Variants in TSGA10 observed in about 807,000 individuals in gnomAD.
The protein encoded by TSGA10 is testis-specific gene 10 protein.
TSGA10 carries 43 observed loss-of-function variants against 96.6 expected under a neutral mutation model. The ratio of observed to expected loss-of-function variants is 0.44; its 90% CI spans 0.35 to 0.57. The LOEUF (loss-of-function observed/expected upper bound fraction) is 0.57. Ranked by LOEUF, TSGA10 falls within the 20% of genes least tolerant of loss-of-function variation. The pLI, the probability that TSGA10 is intolerant of heterozygous loss-of-function variation, is 0.01. For synonymous variants in TSGA10, 229 were observed against 269.9 expected, an observed-to-expected ratio of 0.85 and a Z score of 1.48; for missense variants, 703 against 834.4, an observed-to-expected ratio of 0.84 and a Z score of 1.94.
chr2:99,038,036 G>T (rs2081813392), intron 16 of TSGA10, among the ~76,000 whole-genome samples: 1 of 150,480 alleles, frequency 6.6e-6, no homozygotes, highest in South Asian at 2.1e-4. Flanking sequence ...TATCAGCCAA[G>T]ATTTTGTCTC....
At chr2:99,091,800 TAGAC>T (rs2089385573) in intron 10 of TSGA10, among the ~76,000 whole-genome samples, 1 of 152,072 alleles carries the variant, frequency 6.6e-6, no homozygotes, top group Non-Finnish European at 1.5e-5. Context: ...ATAATTGACA[TAGAC>T]AGAAGCACAA....
intron 10 of TSGA10, among the ~76,000 whole-genome samples, chr2:99,083,552 C>T (rs1016746282): frequency 6.6e-6 from 1 of 152,044 alleles, no homozygotes; most frequent in East Asian, 1.9e-4. Context: ...TTTTTAACAG[C>T]CAAAACCTGG....
chr2:99,117,257 G>A (rs1375072726), intron 4 of TSGA10: 2 of 152,244 alleles, frequency 1.3e-5, no homozygotes, highest in African/African-American at 4.8e-5. Context: ...CTGCAGAGGA[G>A]AGAGGAATTG....
In TSGA10 at chr2:99,104,086, A is replaced by G. The variant is rs780617917; in HGVS notation, c.492T>C (p.Asn164=). The change falls in exon 10 of 21, where the codon AAT becomes AAC. Residue 164 remains asparagine, a synonymous_variant. Transcript: ENST00000393483. ...TTATGGTTTCCTTCATCAAAGTCAT[A>G]TTTGACATTTGCTCCATACGTTCAT... The part of the protein sequence containing the change: ...LDDERMEQMS[N]MTLMKETIST... 6 of 1,613,886 alleles carry G rather than the reference A, an allele frequency of 3.7e-6. No individual in the cohort carries two copies. The highest frequency in any genetic ancestry group is 1.7e-5 in the Admixed American group (1 of 60,010).
intron 16 of TSGA10, among the ~76,000 whole-genome samples, chr2:99,038,454 G>A (rs368321525): frequency 9.2e-5 from 14 of 152,010 alleles, no homozygotes; most frequent in Admixed American, 2.0e-4. Context: ...GTAAAGGGGT[G>A]GAAAAACATA....
At chr2:99,139,188 G>A (rs1436520777) in intron 1 of TSGA10, among the ~76,000 whole-genome samples, 1 of 152,050 alleles carries the variant, frequency 6.6e-6, no homozygotes, top group Non-Finnish European at 1.5e-5. Context: ...ACTTGAGCCC[G>A]GGAGGTCAAG....
intron 20 of TSGA10, among the ~76,000 whole-genome samples, chr2:99,014,243 G>C (rs1408108631): frequency 6.6e-6 from 1 of 151,982 alleles, no homozygotes; most frequent in Non-Finnish European, 1.5e-5. Flanking sequence ...GTTGAGGCAG[G>C]AGAACTGCTT....
intron 1 of TSGA10, among the ~76,000 whole-genome samples, chr2:99,138,814 G>A (rs2093420790): frequency 6.6e-6 from 1 of 152,130 alleles, no homozygotes; most frequent in African/African-American, 2.4e-5. Context: ...ACTCTATAAG[G>A]TCCTTGGACT....
At chr2:99,083,030 A>G (rs1392064459) in intron 10 of TSGA10, among the ~76,000 whole-genome samples, 1 of 152,088 alleles carries the variant, frequency 6.6e-6, no homozygotes, top group Non-Finnish European at 1.5e-5. Flanking sequence ...CCTATATTAG[A>G]GCACAAATAA....
chr2:99,110,762 C>T (rs1421622626), intron 5 of TSGA10, 88 bp downstream of exon 5: 5 of 260,820 alleles, frequency 1.9e-5, no homozygotes, highest in East Asian at 1.8e-4. Context: ...CCTCACAAAA[C>T]GTGTGAGAGC....
chr2:99,105,693 T>C lies in TSGA10; in HGVS notation c.215A>G (p.Gln72Arg). The C allele has an allele frequency of 6.3e-7, 1 of 1,587,932 alleles. No individual in the cohort carries two copies. Among genetic ancestry groups the C allele is most frequent in the Non-Finnish European group, 8.6e-7 (1 of 1,159,380 alleles). Residue 72 changes from glutamine to arginine, a missense_variant, in exon 8 of 21, where the codon CAG becomes CGG. Gln to Arg is a conservative substitution (Grantham distance 43). Around this residue, in one of 3 missense-constraint regions of TSGA10, gnomAD observed 585 missense variants for 656.8 expected, o/e 0.89. Coordinates refer to ENST00000393483, the MANE Select transcript of TSGA10 (RefSeq NM_025244.4). ...DKIFLLYEQA[Q>R]EEITRLRREM... ...TCGTCGAAGTCGGGTAATTTCTTCCTGTGCCTATTATTTAAATCATAGACT... is the reference window on the plus strand; with the variant it reads ...TCGTCGAAGTCGGGTAATTTCTTCCCGTGCCTATTATTTAAATCATAGACT...
intron 10 of TSGA10, among the ~76,000 whole-genome samples, chr2:99,091,309 A>G (rs921576926): frequency 1.3e-5 from 2 of 152,202 alleles, no homozygotes; most frequent in African/African-American, 4.8e-5. Flanking sequence ...TACATCAAAC[A>G]GAACCTCCTT....
At chr2:99,066,186 T>C (rs1429943542) in intron 15 of TSGA10, among the ~76,000 whole-genome samples, 3 of 152,200 alleles carry the variant, frequency 2.0e-5, no homozygotes, top group African/African-American at 7.2e-5. Context: ...GAAATTCAGC[T>C]AATATTGCCA....
Position 99,105,361 on chromosome 2 carries a change from T to C in TSGA10, c.457A>G (p.Asn153Asp). 6.2e-7 allele frequency: 1 copy of C among 1,606,212 alleles called. No homozygotes were observed. Among genetic ancestry groups the C allele is most frequent in the Non-Finnish European group, 8.5e-7 (1 of 1,177,102 alleles). ...RIEELECTVH[N>D]LDDERMEQMS... ...CTTTTCTTTTTTTTTTTTTTTACAT[T>C]ATGAACTGTACACTCCAGCTCCTCT... Residue 153 changes from asparagine to aspartate, a missense_variant and splice_region_variant, in exon 9 of 21, where the codon AAT becomes GAT. By Grantham distance (23) the Asn-to-Asp change is conservative. Around this residue, in one of 3 missense-constraint regions of TSGA10, gnomAD observed 585 missense variants for 656.8 expected, o/e 0.89. Transcript: ENST00000393483.
At chr2:99,063,346 A>T (rs2084905732) in intron 16 of TSGA10, among the ~76,000 whole-genome samples, 1 of 152,194 alleles carries the variant, frequency 6.6e-6, no homozygotes, top group Admixed American at 6.5e-5. Flanking sequence ...ACATAAAAGT[A>T]TAAACTATAT....
intron 17 of TSGA10, among the ~76,000 whole-genome samples, chr2:99,030,407 G>T (rs1297845352): frequency 7.9e-5 from 12 of 152,096 alleles, no homozygotes; most frequent in Non-Finnish European, 1.8e-4. Flanking sequence ...CAGCATTTTG[G>T]GAGGCTGGGG....
chr2:99,059,112 T>C (rs1428150837), intron 16 of TSGA10, among the ~76,000 whole-genome samples: 1 of 147,732 alleles, frequency 6.8e-6, no homozygotes, highest in Non-Finnish European at 1.5e-5. Flanking sequence ...TCTAATAATG[T>C]ATGTTTAAAA....
At chr2:99,044,602 A>G (rs2082548835) in intron 16 of TSGA10, among the ~76,000 whole-genome samples, 1 of 152,036 alleles carries the variant, frequency 6.6e-6, no homozygotes, top group Non-Finnish European at 1.5e-5. Flanking sequence ...TAACACCCCA[A>G]TGTCAATATT....
intron 10 of TSGA10, among the ~76,000 whole-genome samples, chr2:99,097,677 AT>A (rs2090220791): frequency 6.6e-6 from 1 of 152,192 alleles, no homozygotes; most frequent in Non-Finnish European, 1.5e-5. Context: ...ACAATTGATA[AT>A]AACAGAAAGC....
Sources: gnomAD v4.1 joint callset for allele counts (sites outside exome capture counted in the v4.1 genomes callset) on GRCh38, gnomAD v4.1.1 for gene constraint, gnomAD v4.1.1 regional missense constraint, MANE v1.5 for transcripts, NCBI Gene and HGNC (gene_info 2026-07-23, HGNC 2026-07-21) for gene names.